Variants in RASGRP1 observed in about 807,000 individuals in gnomAD.
The protein encoded by RASGRP1 is RAS guanyl releasing protein 1.
In RASGRP1, 37 loss-of-function variants were observed where a neutral mutation model predicts 95.1. The ratio of observed to expected loss-of-function variants is 0.39; its 90% CI spans 0.30 to 0.51. The LOEUF (loss-of-function observed/expected upper bound fraction) is 0.51. Ranked by LOEUF, RASGRP1 falls within the 20% of genes least tolerant of loss-of-function variation. RASGRP1 has a pLI of 0.80. For synonymous variants in RASGRP1, 325 were observed against 353.4 expected (o/e 0.92, Z 0.90); for missense variants, 711 against 965.4 (o/e 0.74, Z 3.49).
chr15:38,530,235 C>T (rs114550178), intron 2 of RASGRP1, among the ~76,000 whole-genome samples: 2,437 of 152,254 alleles, frequency 0.016, 69 homozygotes, highest in African/African-American at 0.056. Context: ...GGTAGGTTAT[C>T]TCATGATGAT....
At position 38,508,709 on chromosome 15, in the gene RASGRP1, AG is replaced by A. The variant is rs1461889206; in HGVS notation, c.967-709del. On this transcript the variant is annotated intron_variant, in intron 8 of 16. Transcript: ENST00000310803. ...GGTTACACCCTGCTTCAAACCTGGA[AG>A]TGGGAACGGCTGCTCACCAGCACAG... Among the ~76,000 whole-genome samples, 5 of 152,354 alleles carry A rather than the reference AG, an allele frequency of 3.3e-5. No individual in the cohort carries two copies. In the East Asian group the frequency reaches 9.6e-4, roughly 29 times the overall value.
At chr15:38,496,220 A>G (rs965075787) in intron 15 of RASGRP1, among the ~76,000 whole-genome samples, 7 of 152,242 alleles carry the variant, frequency 4.6e-5, no homozygotes, top group African/African-American at 1.7e-4. Context: ...GATATCCAAT[A>G]GTCATTTTTG....
chr15:38,503,271 C>A lies in RASGRP1; in HGVS notation c.1428+1G>T. The A allele has an allele frequency of 6.2e-7, 1 of 1,602,376 alleles. No individual in the cohort carries two copies. Reference sequence around the variant, plus strand: ...TGTGTGCTGAACACAGCTGTACTTACATCCACCATCCTCTGGACGTGTTTG... The same window carrying A: ...TGTGTGCTGAACACAGCTGTACTTAAATCCACCATCCTCTGGACGTGTTTG... On this transcript the variant is annotated splice_donor_variant, in intron 11 of 16. Coordinates refer to ENST00000310803, the MANE Select transcript of RASGRP1 (RefSeq NM_005739.4). LOFTEE classifies it high-confidence loss of function.
intron 8 of RASGRP1, among the ~76,000 whole-genome samples, chr15:38,510,075 T>C (rs535310779): frequency 4.6e-5 from 7 of 152,240 alleles, no homozygotes; most frequent in Non-Finnish European, 8.8e-5. Context: ...GATAAAGATA[T>C]TTTTATTCCC....
At chr15:38,553,015 TG>T (rs1486199376) in intron 2 of RASGRP1, among the ~76,000 whole-genome samples, 1 of 152,348 alleles carries the variant, frequency 6.6e-6, no homozygotes, top group East Asian at 1.9e-4. Flanking sequence ...TTAAAAATGA[TG>T]GTCCCTTATT....
At chr15:38,557,045 A>C (rs1474131315) in intron 2 of RASGRP1, among the ~76,000 whole-genome samples, 1 of 152,232 alleles carries the variant, frequency 6.6e-6, no homozygotes, top group Non-Finnish European at 1.5e-5. Context: ...AGACTGCTTT[A>C]ATCTAAAGCA....
chr15:38,553,422 G>A lies in RASGRP1; in HGVS notation c.220+6399C>T, dbSNP rs191919448. Among the ~76,000 whole-genome samples, 608 of 152,224 alleles carry A rather than the reference G, an allele frequency of 4.0e-3. 2 individuals are homozygous for A. The highest frequency in any genetic ancestry group is 0.014 in the African/African-American group (568 of 41,520). On this transcript the variant is annotated intron_variant, in intron 2 of 16. Transcript: ENST00000310803. ...TTCATCACAGATTTCATAAACTTCA[G>A]TTCAACATATTGCCTTACATAATCT... is the stretch of plus-strand genomic sequence containing the variant.
At position 38,512,971 on chromosome 15, in the gene RASGRP1, A is replaced by G. The variant is rs1891598864; in HGVS notation, c.676-15T>C. Reference sequence around the variant, plus strand: ...TAATCAGAGAACTGCAGGAAAAGAAACAACAACAACAAAAAAAACCTATCA... The same window carrying G: ...TAATCAGAGAACTGCAGGAAAAGAAGCAACAACAACAAAAAAAACCTATCA... On this transcript the variant is annotated splice_polypyrimidine_tract_variant and intron_variant, in intron 6 of 16. Transcript: ENST00000310803. 1 of 1,488,928 alleles carries G rather than the reference A, an allele frequency of 6.7e-7. No homozygotes were observed. Among genetic ancestry groups the G allele is most frequent in the Non-Finnish European group, 8.9e-7 (1 of 1,121,356 alleles). The allele number at this position is 1,488,928 out of a possible 1,614,324, so 92.2% of individuals were successfully genotyped here.
At chr15:38,497,044 TAAAC>T (rs1219310428) in intron 15 of RASGRP1, among the ~76,000 whole-genome samples, 1 of 152,202 alleles carries the variant, frequency 6.6e-6, no homozygotes, top group Non-Finnish European at 1.5e-5. Flanking sequence ...TTTATATAAA[TAAAC>T]TCATTTCTTA....
intron 2 of RASGRP1, among the ~76,000 whole-genome samples, chr15:38,544,391 G>C (rs2141173106): frequency 6.6e-6 from 1 of 152,314 alleles, no homozygotes; most frequent in South Asian, 2.1e-4. Flanking sequence ...TTCTCTCTGT[G>C]CTGTGGTTTG....
chr15:38,501,128 C>T lies in RASGRP1; in HGVS notation c.1683+15G>A. The T allele has an allele frequency of 1.3e-6, 2 of 1,584,240 alleles. No individual in the cohort carries two copies. Among genetic ancestry groups the T allele is most frequent in the Non-Finnish European group, 1.7e-6 (2 of 1,166,858 alleles). On this transcript the variant is annotated intron_variant, in intron 13 of 16. Coordinates refer to ENST00000310803, the MANE Select transcript of RASGRP1 (RefSeq NM_005739.4). ...TCCCCAAATTCAGCCCTGGAGCACC[C>T]TAAGAACAACTTACAAATCCAGCAC...
At chr15:38,548,726 A>G (rs1893204955) in intron 2 of RASGRP1, among the ~76,000 whole-genome samples, 1 of 152,256 alleles carries the variant, frequency 6.6e-6, no homozygotes, top group South Asian at 2.1e-4. Flanking sequence ...GTACACACAC[A>G]TAATTTTTAG....
At chr15:38,554,845 C>CA (rs769007638) in intron 2 of RASGRP1, among the ~76,000 whole-genome samples, 5 of 152,326 alleles carry the variant, frequency 3.3e-5, no homozygotes, top group Admixed American at 1.3e-4. Flanking sequence ...TGGGAGGTTC[C>CA]ACTGAGGAGG....
chr15:38,501,982 G>A (rs1891047417), intron 12 of RASGRP1, among the ~76,000 whole-genome samples: 1 of 151,866 alleles, frequency 6.6e-6, no homozygotes. Flanking sequence ...AGCCTCCCGA[G>A]TAGCTGGGAT....
chr15:38,500,193 G>C, intron 13 of RASGRP1, 54 bp from the exon 14 acceptor site: 4 of 1,570,396 alleles, frequency 2.5e-6, no homozygotes, highest in Non-Finnish European at 3.5e-6. Context: ...CTGGTGTGAG[G>C]CTACAAGGTG....
chr15:38,505,224 T>TGGGAGG (rs138326145), intron 10 of RASGRP1, among the ~76,000 whole-genome samples: 2,481 of 152,220 alleles, frequency 0.016, 29 homozygotes, highest in African/African-American at 0.021. Flanking sequence ...TACTTGCCTG[T>TGGGAGG]GGGAGGGTAG....
At chr15:38,541,605 T>C (rs1892865225) in intron 2 of RASGRP1, among the ~76,000 whole-genome samples, 1 of 152,098 alleles carries the variant, frequency 6.6e-6, no homozygotes, top group South Asian at 2.1e-4. Context: ...TTCATTCATA[T>C]ATATATATAC....
intron 2 of RASGRP1, among the ~76,000 whole-genome samples, chr15:38,557,817 C>T (rs998931517): frequency 3.9e-5 from 6 of 152,038 alleles, no homozygotes; most frequent in Admixed American, 3.3e-4. Context: ...ACTTTTACAG[C>T]TTTGGGATTT....
intron 2 of RASGRP1, among the ~76,000 whole-genome samples, chr15:38,537,458 T>C (rs1892698374): frequency 6.6e-6 from 1 of 152,098 alleles, no homozygotes; most frequent in Non-Finnish European, 1.5e-5. Context: ...ATGCTACAGT[T>C]TGATTCTTTG....
Sources: allele counts gnomAD v4.1 joint callset (sites outside exome capture counted in the v4.1 genomes callset), GRCh38; gene constraint gnomAD v4.1.1; transcripts MANE v1.5; gene names NCBI Gene and HGNC (gene_info 2026-07-23, HGNC 2026-07-21).